The following CDKN2B-AS1 variants were observed in gnomAD, a reference collection of about 807,000 sequenced individuals.
CDKN2B-AS1 encodes the protein CDKN2B and CDKN2A antisense cis and trans regulatory RNA 1, also known as CDKN2B antisense RNA 1 (non-protein coding).
In CDKN2B-AS1 at chr9:22,005,580, AC is replaced by A; in HGVS notation, n.29+10422del. On this transcript the variant is annotated intron_variant and non_coding_transcript_variant, in intron 1 of 4. Coordinates refer to ENST00000650946, the Ensembl canonical transcript of CDKN2B-AS1. The surrounding 1 kb of genome is among the most constrained non-coding windows in gnomAD (Gnocchi z 4.9). The stretch of plus-strand genomic sequence containing the variant: ...TGGAGTGAACGCATCGACTGCCGTC[AC>A]CCAAGTGCTAATCACTGCCTTCTCC... The A allele has an allele frequency of 5.0e-6, 2 of 401,974 alleles. No individual in the cohort carries two copies. Among genetic ancestry groups the A allele is most frequent in the Non-Finnish European group, 4.6e-6 (1 of 216,654 alleles). The allele number at this position is 401,974 out of a possible 1,614,324, so 24.9% of individuals were successfully genotyped here.
intron 1 of CDKN2B-AS1, among the ~76,000 whole-genome samples, chr9:22,034,155 C>G (rs1263932532): frequency 6.6e-6 from 1 of 152,128 alleles, no homozygotes; most frequent in Non-Finnish European, 1.5e-5. Context: ...GAAGGTTCTT[C>G]TTTGTTGTTA....
chr9:22,091,908 A>C (rs1280572169), intron 4 of CDKN2B-AS1, among the ~76,000 whole-genome samples: 1 of 152,172 alleles, frequency 6.6e-6, no homozygotes. Context: ...GCCAGTTTTC[A>C]AAGGGAATGC....
chr9:22,100,160 G>C (rs372310037), intron 4 of CDKN2B-AS1, among the ~76,000 whole-genome samples: 30 of 152,144 alleles, frequency 2.0e-4, no homozygotes, highest in African/African-American at 6.3e-4. Flanking sequence ...CAACTTTATT[G>C]AGGTATAACT....
chr9:22,049,874 T>C (rs1450502053), intron 3 of CDKN2B-AS1, among the ~76,000 whole-genome samples: 1 of 135,348 alleles, frequency 7.4e-6, no homozygotes. Context: ...TTAGTAGCTA[T>C]TATTATTTTT....
chr9:22,042,783 A>G (rs997280661), intron 1 of CDKN2B-AS1, among the ~76,000 whole-genome samples: 2 of 152,126 alleles, frequency 1.3e-5, no homozygotes, highest in African/African-American at 2.4e-5. Flanking sequence ...ACTTCTCAAA[A>G]AAACCTTGCG....
chr9:22,111,471 G>A (rs1371060170), intron 4 of CDKN2B-AS1, among the ~76,000 whole-genome samples: 1 of 152,160 alleles, frequency 6.6e-6, no homozygotes, highest in Non-Finnish European at 1.5e-5. Context: ...GATTCTATTT[G>A]TGAAGTATTA....
At chr9:22,045,994 T>C (rs1823093133) in intron 1 of CDKN2B-AS1, among the ~76,000 whole-genome samples, 1 of 152,118 alleles carries the variant, frequency 6.6e-6, no homozygotes, top group Non-Finnish European at 1.5e-5. Context: ...AGAAATTTTG[T>C]TTGCACTGGA....
At chr9:22,045,666 T>C (rs1190438566) in intron 1 of CDKN2B-AS1, among the ~76,000 whole-genome samples, 1 of 152,014 alleles carries the variant, frequency 6.6e-6, no homozygotes, top group Non-Finnish European at 1.5e-5. Flanking sequence ...GCTCATGCTT[T>C]TTGCCACAAT....
chr9:22,009,464 A>G, intron 1 of CDKN2B-AS1: 1 of 270,672 alleles, frequency 3.7e-6, no homozygotes, highest in Non-Finnish European at 7.1e-6. Flanking sequence ...AGATGCTAGG[A>G]CGCATGCGCC....
chr9:22,113,958 A>G lies in CDKN2B-AS1; in HGVS notation n.439-13145A>G, dbSNP rs73650051. Among the ~76,000 whole-genome samples the G allele has an allele frequency of 8.0e-3, 1,225 of 152,336 alleles. 18 individuals are homozygous for G. Among genetic ancestry groups the G allele is most frequent in the African/African-American group, 0.028 (1,149 of 41,576 alleles). The stretch of plus-strand genomic sequence containing the variant: ...CACATGCCCCTAAGGCCAAATAAAA[A>G]TTTGTAAAATTCTCTTAAAAAGACT... On this transcript the variant is annotated intron_variant and non_coding_transcript_variant, in intron 4 of 4. Coordinates refer to ENST00000650946, the Ensembl canonical transcript of CDKN2B-AS1.
rs1443516734 is a variant in CDKN2B-AS1, at chr9:22,084,119, G to GTAAAATTTATTTT, written n.438+27734_438+27746dup. Reference sequence around the variant, plus strand: ...TGGATTCACACCAACAATTGTTAAAGTAAAATTTATTTTTCCTGTGTTTTA... The same window carrying GTAAAATTTATTTT: ...TGGATTCACACCAACAATTGTTAAAGTAAAATTTATTTTTAAAATTTATTTTTCCTGTGTTTTA... On this transcript the variant is annotated intron_variant and non_coding_transcript_variant, in intron 4 of 4. Coordinates refer to ENST00000650946, the Ensembl canonical transcript of CDKN2B-AS1. Among the ~76,000 whole-genome samples the GTAAAATTTATTTT allele has an allele frequency of 2.6e-5, 4 of 151,858 alleles. No homozygotes were observed. In the East Asian group the frequency reaches 7.7e-4, roughly 29 times the overall value.
chr9:22,083,116 A>T (rs1294864404), intron 4 of CDKN2B-AS1, among the ~76,000 whole-genome samples: 2 of 152,220 alleles, frequency 1.3e-5, no homozygotes, highest in Non-Finnish European at 2.9e-5. Context: ...CTGTACTAAG[A>T]ACTATACGTA....
intron 4 of CDKN2B-AS1, among the ~76,000 whole-genome samples, chr9:22,072,511 A>G (rs76358272): frequency 1.1e-3 from 173 of 152,360 alleles, no homozygotes; most frequent in African/African-American, 4.0e-3. Flanking sequence ...GCGCCTGCAC[A>G]TGTAGCTTAA....
At chr9:22,019,250 T>G (rs1012844915) in intron 1 of CDKN2B-AS1, among the ~76,000 whole-genome samples, 1 of 152,214 alleles carries the variant, frequency 6.6e-6, no homozygotes, top group Non-Finnish European at 1.5e-5. Context: ...ACACATGATG[T>G]GATCAGATTT....
chr9:22,010,000 ATACTT>A (rs1821418293), intron 1 of CDKN2B-AS1, among the ~76,000 whole-genome samples: 1 of 152,180 alleles, frequency 6.6e-6, no homozygotes, highest in African/African-American at 2.4e-5. Context: ...AAAAAAAATT[ATACTT>A]TAAGAATCTG....
intron 3 of CDKN2B-AS1, among the ~76,000 whole-genome samples, chr9:22,051,779 G>A (rs868395969): frequency 2.6e-5 from 4 of 152,076 alleles, no homozygotes; most frequent in African/African-American, 7.2e-5. Context: ...TTTGCTTCTA[G>A]GTATATTATA....
chr9:22,061,937 A>G (rs1823839511), intron 4 of CDKN2B-AS1: 1 of 152,244 alleles, frequency 6.6e-6, no homozygotes, highest in Non-Finnish European at 1.5e-5. Context: ...TATTATTTTT[A>G]TCCTCATATT....
In CDKN2B-AS1 at chr9:22,005,816, G is replaced by C; in HGVS notation, n.29+10655G>C. On this transcript the variant is annotated intron_variant and non_coding_transcript_variant, in intron 1 of 4. Transcript: ENST00000650946. The surrounding 1 kb of genome is among the most constrained non-coding windows in gnomAD (Gnocchi z 4.9). The stretch of plus-strand genomic sequence containing the variant: ...GGCCAGATAAGACAAAGAAAAAAAT[G>C]TATGGAAGGTTATTCCCGGTCGGCT... 1.2e-6 allele frequency: 1 copy of C among 807,140 alleles called. No individual in the cohort carries two copies. The highest frequency in any genetic ancestry group is 2.0e-6 in the Non-Finnish European group (1 of 506,730). The allele number at this position is 807,140 out of a possible 1,614,324, so 50.0% of individuals were successfully genotyped here.
At chr9:22,077,298 T>C (rs1017439589) in intron 4 of CDKN2B-AS1, among the ~76,000 whole-genome samples, 7 of 152,154 alleles carry the variant, frequency 4.6e-5, no homozygotes, top group Admixed American at 6.5e-5. Context: ...TGTAAAAATA[T>C]TGAAATGTTT....
Sources: allele counts gnomAD v4.1 joint callset (sites outside exome capture counted in the v4.1 genomes callset), GRCh38; gene constraint gnomAD v4.1.1; non-coding constraint Gnocchi (gnomAD v3.1); transcripts MANE v1.5; gene names NCBI Gene and HGNC (gene_info 2026-07-23, HGNC 2026-07-21).